CACNB1: variants seen among roughly 807,000 people sequenced by gnomAD.
The protein encoded by CACNB1 is voltage-dependent L-type calcium channel subunit beta-1.
CACNB1 carries 29 observed loss-of-function variants against 71.6 expected under a neutral mutation model. That is an observed-to-expected ratio of 0.40 (90% CI 0.30 to 0.55). The LOEUF (loss-of-function observed/expected upper bound fraction) is 0.55. CACNB1 is among the 20% of genes least tolerant of loss of function. The pLI, the probability that CACNB1 is intolerant of heterozygous loss-of-function variation, is 0.38. For synonymous variants in CACNB1, 300 were observed against 319.6 expected (o/e 0.94, Z 0.65); for missense variants, 623 against 801.8 (o/e 0.78, Z 2.69).
chr17:39,182,749 CAG>C (rs1297421963), intron 11 of CACNB1: 4 of 144,122 alleles, frequency 2.8e-5, no homozygotes, highest in Non-Finnish European at 6.1e-5. Flanking sequence ...ATAAATAAAT[CAG>C]AGAGTATACT....
At chr17:39,181,098 A>G (rs1309626927) in intron 11 of CACNB1, among the ~76,000 whole-genome samples, 2 of 151,922 alleles carry the variant, frequency 1.3e-5, no homozygotes, top group Non-Finnish European at 2.9e-5. Flanking sequence ...TTATTTATTT[A>G]TTTATTTATT....
At position 39,187,154 on chromosome 17, in the gene CACNB1, A is replaced by G. The variant is rs181179664; in HGVS notation, c.415-225T>C. On this transcript the variant is annotated intron_variant, in intron 4 of 13. Transcript: ENST00000394303. ...CATGGACCACCCTGCCACCGGCCCA[A>G]TGCAATTCTGAGAGTCCTTCTCCCC... 96 of 606,844 alleles carry G rather than the reference A, an allele frequency of 1.6e-4. 1 individual carries two copies. Among genetic ancestry groups the G allele is most frequent in the East Asian group, 4.5e-4 (16 of 35,926 alleles). 37.6% of individuals were successfully genotyped at this position (606,844 alleles called of 1,614,324 possible). A position where few individuals can be genotyped will look rare whatever the true frequency, so the allele number is the denominator to read the frequency against.
rs1260140325 is a variant in CACNB1, at chr17:39,175,248, A to C, written c.1742T>G (p.Leu581Trp). The C allele has an allele frequency of 6.2e-7, 1 of 1,613,966 alleles. No individual in the cohort carries two copies. The highest frequency in any genetic ancestry group is 1.7e-5 in the Admixed American group (1 of 59,998). Reference protein sequence around the residue: ...RYCAEGGGPVLGRNKNELEGW... With the variant: ...RYCAEGGGPVWGRNKNELEGW... Reference sequence around the variant, plus strand: ...CTCCAGCTCATTCTTGTTGCGCCCCAAAACTGGACCCCCACCCTCAGCGCA... The same window carrying C: ...CTCCAGCTCATTCTTGTTGCGCCCCCAAACTGGACCCCCACCCTCAGCGCA... Residue 581 changes from leucine (L) to tryptophan (W), a missense_variant, in exon 14 of 14, where the codon TTG becomes TGG. By Grantham distance (61) the Leu-to-Trp change is moderately conservative. Transcript: ENST00000394303. This position sits in a 1 kb window ranked among gnomAD's most constrained non-coding sequence, Gnocchi z 4.7.
intron 11 of CACNB1, among the ~76,000 whole-genome samples, chr17:39,181,368 A>T (rs1003610433): frequency 6.6e-6 from 1 of 152,186 alleles, no homozygotes; most frequent in Non-Finnish European, 1.5e-5. Context: ...TGCTGAGATT[A>T]CAGGTGTGAG....
chr17:39,195,327 G>A lies in CACNB1; in HGVS notation c.85-357C>T, dbSNP rs188186502. 3.1e-5 allele frequency: 6 copies of A among 194,728 alleles called. No individual in the cohort carries two copies. The East Asian group carries it at 5.6e-4, about 18-fold the overall frequency. The allele number at this position is 194,728 out of a possible 1,614,324, so 12.1% of individuals were successfully genotyped here. On this transcript the variant is annotated intron_variant, in intron 1 of 13. Coordinates refer to ENST00000394303, the MANE Select transcript of CACNB1 (RefSeq NM_000723.5). The stretch of plus-strand genomic sequence containing the variant: ...TGCTGGGCAGGCTGCAGAGGCCTCC[G>A]AGGAAGGGAGAGGCAGCCGGCAGTG...
rs765045106 is a variant in CACNB1, at chr17:39,184,113, A to G, written c.816T>C (p.Asp272=). 1.2e-6 allele frequency: 2 copies of G among 1,612,886 alleles called. No homozygotes were observed. Among genetic ancestry groups the G allele is most frequent in the East Asian group, 4.5e-5 (2 of 44,870 alleles). Residue 272 remains aspartate, a synonymous_variant, in exon 10 of 14, where the codon GAT becomes GAC. Coordinates refer to ENST00000394303, the MANE Select transcript of CACNB1 (RefSeq NM_000723.5). ...GRISITRVTA[D]ISLAKRSVLN... ...GAACTGAGCGCTTAGCCAGGGAAAT[A>G]TCTGCCGTCACACGAGTGATGGAGA...
In CACNB1 at chr17:39,175,271, G is replaced by A; in HGVS notation, c.1719C>T (p.Cys573=). 6.2e-7 allele frequency: 1 copy of A among 1,614,112 alleles called. No individual in the cohort carries two copies. The highest frequency in any genetic ancestry group is 8.5e-7 in the Non-Finnish European group (1 of 1,180,012). ...CCAAAACTGGACCCCCACCCTCAGCGCAGTAGCGGGCCTTATTCCGGCCCC... is the reference window on the plus strand; with the variant it reads ...CCAAAACTGGACCCCCACCCTCAGCACAGTAGCGGGCCTTATTCCGGCCCC... ...RNRGRNKARY[C]AEGGGPVLGR... The change falls in exon 14 of 14, where the codon TGC becomes TGT. Residue 573 remains cysteine (C), a synonymous_variant. Transcript: ENST00000394303. The surrounding 1 kb of genome is among the most constrained non-coding windows in gnomAD (Gnocchi z 4.7).
chr17:39,189,264 G>A (rs1224925734), intron 3 of CACNB1, among the ~76,000 whole-genome samples: 1 of 151,708 alleles, frequency 6.6e-6, no homozygotes, highest in Non-Finnish European at 1.5e-5. Flanking sequence ...TCAGGAGGCT[G>A]AGGCAGGAGA....
intron 1 of CACNB1, among the ~76,000 whole-genome samples, chr17:39,196,382 C>T (rs1229471727): frequency 6.6e-6 from 1 of 152,114 alleles, no homozygotes; most frequent in Non-Finnish European, 1.5e-5. Flanking sequence ...CTCAGAGGGA[C>T]AGGGGACAGC....
chr17:39,181,888 C>T (rs1343417375), intron 11 of CACNB1, among the ~76,000 whole-genome samples: 1 of 151,984 alleles, frequency 6.6e-6, no homozygotes, highest in Non-Finnish European at 1.5e-5. Flanking sequence ...TGTGGCCGGG[C>T]ACAGTGGCTC....
intron 2 of CACNB1, chr17:39,193,619 GC>G: frequency 3.5e-6 from 1 of 284,046 alleles, no homozygotes; most frequent in Admixed American, 4.8e-5. Flanking sequence ...GGCAAGGACT[GC>G]CCCCCTCCAC....
At chr17:39,183,368 G>GAAGAAGAAGAAGAAGAAGAA (rs1433401577) in intron 11 of CACNB1, among the ~76,000 whole-genome samples, 20 of 143,820 alleles carry the variant, frequency 1.4e-4, no homozygotes, top group Non-Finnish European at 2.2e-4. Context: ...GAAGAAGAAA[G>GAAGAAGAAGAAGAAGAAGAA]GAAAGACCTC....
intron 4 of CACNB1, 177 bp downstream of exon 4, chr17:39,187,302 A>G: frequency 1.4e-6 from 1 of 735,998 alleles, no homozygotes; most frequent in Non-Finnish European, 2.2e-6. Flanking sequence ...TGACCTAAGC[A>G]TTACCACCTC....
intron 3 of CACNB1, among the ~76,000 whole-genome samples, 168 bp from the exon 4 acceptor site, chr17:39,187,769 G>A (rs953848631): frequency 1.3e-5 from 2 of 152,006 alleles, no homozygotes; most frequent in Admixed American, 6.6e-5. Context: ...TTTCCAGCAC[G>A]TTGGGAGGCC....
At chr17:39,188,623 T>A (rs1368538385) in intron 3 of CACNB1, among the ~76,000 whole-genome samples, 1 of 152,120 alleles carries the variant, frequency 6.6e-6, no homozygotes, top group Non-Finnish European at 1.5e-5. Flanking sequence ...TCCATGTATA[T>A]TAACTTTTAC....
At chr17:39,193,668 C>T (rs1294024580) in intron 2 of CACNB1, 1 of 228,964 alleles carries the variant, frequency 4.4e-6, no homozygotes, top group East Asian at 1.6e-4. Flanking sequence ...AGCTGGGGAG[C>T]TAAAAGGAGG....
chr17:39,179,494 C>T (rs8082208), intron 11 of CACNB1, among the ~76,000 whole-genome samples: 14,015 of 148,650 alleles, frequency 0.094, 892 homozygotes, highest in African/African-American at 0.18. Context: ...GGCAGGAGAA[C>T]GGCGTGAACC....
chr17:39,191,365 C>T (rs2046076171), intron 3 of CACNB1, 109 bp downstream of exon 3: 3 of 1,094,974 alleles, frequency 2.7e-6, no homozygotes, highest in Non-Finnish European at 2.6e-6. Context: ...TTCAGGGGTA[C>T]TAGGAAGTGG....
rs1480174032 is a variant in CACNB1, at chr17:39,177,368, G to A, written c.1314C>T (p.Ala438=). 1 of 1,613,214 alleles carries A rather than the reference G, an allele frequency of 6.2e-7. No individual in the cohort carries two copies. Among genetic ancestry groups the A allele is most frequent in the Non-Finnish European group, 8.5e-7 (1 of 1,179,730 alleles). The part of the protein sequence containing the change: ...MATAALAASP[A]PVSNLQGPYL... ...CCTGTACCTGGAGGTTGGAGACAGG[G>A]GCAGGGCTGGCAGCCAGGGCTGCGG... Residue 438 remains alanine (A), a synonymous_variant, in exon 13 of 14, where the codon GCC becomes GCT. Coordinates refer to ENST00000394303, the MANE Select transcript of CACNB1 (RefSeq NM_000723.5).
Sources: allele counts gnomAD v4.1 joint callset (sites outside exome capture counted in the v4.1 genomes callset), GRCh38; gene constraint gnomAD v4.1.1; non-coding constraint Gnocchi (gnomAD v3.1); transcripts MANE v1.5; gene names NCBI Gene and HGNC (gene_info 2026-07-23, HGNC 2026-07-21).